Variants in TULP3 observed in about 807,000 individuals in gnomAD.
TULP3 encodes the protein tubby-related protein 3.
TULP3 carries 38 observed loss-of-function variants against 50.7 expected under a neutral mutation model. The observed-to-expected ratio is 0.75, with a 90% CI of 0.58 to 0.98. The LOEUF (loss-of-function observed/expected upper bound fraction) is 0.98. Ranked by LOEUF, TULP3 falls within the 50% of genes least tolerant of loss-of-function variation. The pLI is 0.00. For missense variants in TULP3, 550 were observed against 568.0 expected (o/e 0.97, Z 0.32); for synonymous variants, 183 against 196.6 (o/e 0.93, Z 0.58).
At chr12:2,930,025 A>G (rs1186400659) in intron 4 of TULP3, among the ~76,000 whole-genome samples, 1 of 152,178 alleles carries the variant, frequency 6.6e-6, no homozygotes, top group African/African-American at 2.4e-5. Flanking sequence ...CTTCACACCC[A>G]TTCAAGATAA....
intron 1 of TULP3, among the ~76,000 whole-genome samples, chr12:2,892,861 C>T (rs189247435): frequency 6.9e-6 from 1 of 145,068 alleles, no homozygotes; most frequent in Non-Finnish European, 1.5e-5. Context: ...ATTTTCTTTT[C>T]TTTTAATTTT....
rs762361778 is a variant in TULP3 at position 2,930,318 on chromosome 12, C to T, written c.465C>T (p.Pro155=). ...GISQSACLER[P]NSASSQNSTD... is the part of the protein sequence containing the mutation. ...CCCAGTCAGCATGTTTAGAAAGACCCAATTCTGCATCAAGCCAGAATTCAA... is the reference window on the plus strand; with the variant it reads ...CCCAGTCAGCATGTTTAGAAAGACCTAATTCTGCATCAAGCCAGAATTCAA... Residue 155 remains proline (P), a synonymous_variant, in exon 5 of 11, where the codon CCC becomes CCT. Transcript: ENST00000448120. 1.9e-6 allele frequency: 3 copies of T among 1,612,206 alleles called. No individual in the cohort carries two copies. Among genetic ancestry groups the T allele is most frequent in the Non-Finnish European group, 2.5e-6 (3 of 1,179,088 alleles).
At chr12:2,931,289 G>A (rs779102586) in intron 6 of TULP3, 49 bp downstream of exon 6, 6 of 1,583,254 alleles carry the variant, frequency 3.8e-6, no homozygotes, top group South Asian at 1.1e-5. Flanking sequence ...GAAGAATGTT[G>A]TGGGAATAGA....
chr12:2,898,462 G>A (rs1409524014), intron 1 of TULP3, among the ~76,000 whole-genome samples: 1 of 152,058 alleles, frequency 6.6e-6, no homozygotes, highest in Non-Finnish European at 1.5e-5. Context: ...ATCACCCCTG[G>A]CCAGTAGTCC....
chr12:2,892,238 T>C (rs574918246), intron 1 of TULP3, among the ~76,000 whole-genome samples: 71 of 152,146 alleles, frequency 4.7e-4, no homozygotes, highest in Non-Finnish European at 6.2e-4. Flanking sequence ...AGGTGATAGC[T>C]GCACTCTGAA....
intron 2 of TULP3, among the ~76,000 whole-genome samples, chr12:2,912,538 A>G (rs2098186253): frequency 6.6e-6 from 1 of 152,212 alleles, no homozygotes. Flanking sequence ...GAATTCTGCT[A>G]TGGCAGTGTC....
chr12:2,903,338 GGATCACCT>G (rs1169828059), intron 1 of TULP3, among the ~76,000 whole-genome samples: 1 of 151,890 alleles, frequency 6.6e-6, no homozygotes, highest in East Asian at 1.9e-4. Flanking sequence ...TGAGGCGGGT[GGATCACCT>G]GAGGTCGGGA....
chr12:2,927,366 A>ATTTTTTTTTTTTTTTTTTTT (rs71057864), intron 4 of TULP3, among the ~76,000 whole-genome samples: 3 of 105,192 alleles, frequency 2.9e-5, no homozygotes, highest in Non-Finnish European at 5.5e-5. Flanking sequence ...GTTGAGACTG[A>ATTTTTTTTTTTTTTTTTTTT]TTTTTTTTTT....
rs140313750 is a variant in TULP3 at position 2,939,095 on chromosome 12, G to A, written c.1196-216G>A. ...TAAAATATTAGCCAGGCGTGGTGGC[G>A]CTTGCCTGTAGTCCCAGCTACTCAG... On this transcript the variant is annotated intron_variant, in intron 10 of 10. Coordinates refer to ENST00000448120, the MANE Select transcript of TULP3 (RefSeq NM_003324.5). The surrounding 1 kb of genome is among the most constrained non-coding windows in gnomAD (Gnocchi z 4.0). Among the ~76,000 whole-genome samples the A allele has an allele frequency of 1.4e-3, 212 of 151,602 alleles. No homozygotes were observed. The highest frequency in any genetic ancestry group is 3.3e-3 in the African/African-American group (135 of 41,346).
At chr12:2,925,045 GTAGTCCCA>G (rs1252707612) in intron 4 of TULP3, among the ~76,000 whole-genome samples, 3 of 151,944 alleles carry the variant, frequency 2.0e-5, no homozygotes, top group Admixed American at 1.3e-4. Context: ...GCGGGCGCCT[GTAGTCCCA>G]GCTACTCGGG....
intron 4 of TULP3, 70 bp from the exon 5 acceptor site, chr12:2,930,178 A>C: frequency 9.2e-7 from 1 of 1,081,204 alleles, no homozygotes; most frequent in Non-Finnish European, 1.4e-6. Context: ...AGAAAATTAA[A>C]ACTATCTTTG....
In TULP3 at chr12:2,899,905, AACAAAAAAAAAAAC is replaced by A. The variant is rs1565496775; in HGVS notation, c.41+8919_41+8932del. Among the ~76,000 whole-genome samples, 9 of 45,640 alleles carry A rather than the reference AACAAAAAAAAAAAC, an allele frequency of 2.0e-4. 1 individual carries two copies. The highest frequency in any genetic ancestry group is 6.2e-4 in the South Asian group (1 of 1,614). The allele number at this position is 45,640 out of a possible 152,430, so 29.9% of individuals were successfully genotyped here. On this transcript the variant is annotated intron_variant, in intron 1 of 10. Transcript: ENST00000448120. The stretch of plus-strand genomic sequence containing the variant: ...GAGACTCCGTCTCAAAAAAAAAACA[AACAAAAAAAAAAAC>A]AAAAAAAACTTGGAGACGGCTGTGG...
At chr12:2,933,657 G>C in intron 7 of TULP3, 127 bp downstream of exon 7, 2 of 397,448 alleles carry the variant, frequency 5.0e-6, no homozygotes, top group Non-Finnish European at 4.2e-6. Flanking sequence ...AAAGAAAAAG[G>C]AAAAAAAAAA....
chr12:2,939,880 G>T lies in TULP3; in HGVS notation c.*436G>T, dbSNP rs982793101. ...TGGTGAGGGATCACAGCTTAGCATG[G>T]GTGAGAGATGATTTAAAGCACAGGG... is the stretch of plus-strand genomic sequence containing the variant. On this transcript the variant is annotated 3_prime_UTR_variant, in exon 11 of 11. Transcript: ENST00000448120. This position sits in a 1 kb window ranked among gnomAD's most constrained non-coding sequence, Gnocchi z 4.0. 2 of 1,225,188 alleles carry T rather than the reference G, an allele frequency of 1.6e-6. No individual in the cohort carries two copies. The highest frequency in any genetic ancestry group is 2.1e-6 in the Non-Finnish European group (2 of 955,220). 75.9% of individuals were successfully genotyped at this position (1,225,188 alleles called of 1,614,324 possible).
rs757160211 is a variant in TULP3, at chr12:2,931,074, C to T, written c.530C>T (p.Pro177Leu). The T allele has an allele frequency of 6.2e-7, 1 of 1,614,098 alleles. No individual in the cohort carries two copies. Among genetic ancestry groups the T allele is most frequent in the Non-Finnish European group, 8.5e-7 (1 of 1,180,036 alleles). ...TCCGGTTCTGCTACTGCCGCCCAACCAGCTGATAACCTCCTGGGAGACATA... is the reference window on the plus strand; with the variant it reads ...TCCGGTTCTGCTACTGCCGCCCAACTAGCTGATAACCTCCTGGGAGACATA... Reference protein sequence around the residue: ...GTSGSATAAQPADNLLGDIDD... With the variant: ...GTSGSATAAQLADNLLGDIDD... Residue 177 changes from proline (P) to leucine (L), a missense_variant, in exon 6 of 11, where the codon CCA (proline) becomes CTA (leucine). Coordinates refer to ENST00000448120, the MANE Select transcript of TULP3 (RefSeq NM_003324.5).
At chr12:2,892,622 C>T (rs1009654548) in intron 1 of TULP3, among the ~76,000 whole-genome samples, 1 of 152,088 alleles carries the variant, frequency 6.6e-6, no homozygotes, top group African/African-American at 2.4e-5. Context: ...AGTGATTCTC[C>T]TGCCTCAGCC....
At chr12:2,937,788 A>G (rs1467532622) in intron 9 of TULP3, 59 bp downstream of exon 9, 1 of 1,221,788 alleles carries the variant, frequency 8.2e-7, no homozygotes. Flanking sequence ...TACAATACAC[A>G]GAGATTAATA....
chr12:2,927,660 G>GA (rs1326011954), intron 4 of TULP3, among the ~76,000 whole-genome samples: 1 of 151,962 alleles, frequency 6.6e-6, no homozygotes, highest in Non-Finnish European at 1.5e-5. Context: ...GCCTGAGATT[G>GA]ATTTTTTTAA....
chr12:2,927,931 A>G (rs949843532), intron 4 of TULP3, among the ~76,000 whole-genome samples: 4 of 152,152 alleles, frequency 2.6e-5, no homozygotes, highest in Admixed American at 6.5e-5. Context: ...TCTTGGAGAA[A>G]TGATTCTTCC....
Sources: gnomAD v4.1 joint callset for allele counts (sites outside exome capture counted in the v4.1 genomes callset) on GRCh38, gnomAD v4.1.1 for gene constraint, Gnocchi (gnomAD v3.1) non-coding constraint, MANE v1.5 for transcripts, NCBI Gene and HGNC (gene_info 2026-07-23, HGNC 2026-07-21) for gene names.